PPM1D: variants seen among roughly 807,000 people sequenced by gnomAD.
PPM1D encodes protein phosphatase, Mg2+/Mn2+ dependent 1D.
In PPM1D, 52 loss-of-function variants were observed where a neutral mutation model predicts 58.3. That is an observed-to-expected ratio of 0.89 (90% CI 0.71 to 1.12). The LOEUF is 1.12. Ranked by LOEUF, PPM1D falls within the 50% of genes most tolerant of loss-of-function variation. The pLI, the probability that PPM1D is intolerant of heterozygous loss-of-function variation, is 0.00. For missense variants in PPM1D, 564 were observed against 777.2 expected (o/e 0.73, Z 3.26); for synonymous variants, 278 against 285.1 (o/e 0.98, Z 0.25).
chr17:60,610,904 A>AT (rs2030440213), intron 1 of PPM1D, among the ~76,000 whole-genome samples: 1 of 152,226 alleles, frequency 6.6e-6, no homozygotes, highest in Non-Finnish European at 1.5e-5. Context: ...GTAGGAGAGT[A>AT]TCATTCTTTC....
At chr17:60,609,880 C>T (rs1436439478) in intron 1 of PPM1D, among the ~76,000 whole-genome samples, 2 of 151,920 alleles carry the variant, frequency 1.3e-5, no homozygotes, top group African/African-American at 4.8e-5. Flanking sequence ...TACATTTTAT[C>T]ATAGATACGT....
Position 60,663,790 on chromosome 17 carries a change from C to G in PPM1D, c.*238C>G. 4.2e-6 allele frequency: 2 copies of G among 480,216 alleles called. No individual in the cohort carries two copies. The highest frequency in any genetic ancestry group is 7.5e-6 in the Non-Finnish European group (2 of 267,372). 29.7% of individuals were successfully genotyped at this position (480,216 alleles called of 1,614,324 possible). A position where few individuals can be genotyped will look rare whatever the true frequency, so the allele number is the denominator to read the frequency against. On this transcript the variant is annotated 3_prime_UTR_variant, in exon 6 of 6. Transcript: ENST00000305921. ...GTGTAAATTTGTATCCACACAAATTCAGTCTCTGAATACACAGTATTCAGA... is the reference window on the plus strand; with the variant it reads ...GTGTAAATTTGTATCCACACAAATTGAGTCTCTGAATACACAGTATTCAGA...
chr17:60,647,623 T>C (rs1440299333), intron 3 of PPM1D, among the ~76,000 whole-genome samples: 1 of 152,200 alleles, frequency 6.6e-6, no homozygotes, highest in Non-Finnish European at 1.5e-5. Flanking sequence ...ATAGTTTTCT[T>C]ATTTCTACAT....
chr17:60,642,154 A>G (rs2143690896), intron 3 of PPM1D, among the ~76,000 whole-genome samples: 1 of 152,320 alleles, frequency 6.6e-6, no homozygotes, highest in African/African-American at 2.4e-5. Context: ...TTGAACTGGT[A>G]AAACAAGGGA....
intron 1 of PPM1D, among the ~76,000 whole-genome samples, chr17:60,605,651 C>T (rs1598398181): frequency 6.6e-6 from 1 of 152,260 alleles, no homozygotes; most frequent in East Asian, 1.9e-4. Flanking sequence ...GCCTGTAATC[C>T]CAGCAATTTG....
chr17:60,638,347 A>G (rs72843556), intron 3 of PPM1D, among the ~76,000 whole-genome samples: 1 of 152,182 alleles, frequency 6.6e-6, no homozygotes, highest in Non-Finnish European at 1.5e-5. Flanking sequence ...TACTTTTCAA[A>G]CCATTATTCT....
chr17:60,639,180 A>G (rs1020290266), intron 3 of PPM1D, among the ~76,000 whole-genome samples: 4 of 152,082 alleles, frequency 2.6e-5, no homozygotes, highest in South Asian at 2.1e-4. Context: ...CATTGGCACA[A>G]TCTCGGCTCA....
intron 5 of PPM1D, chr17:60,662,254 C>T (rs2031538859): frequency 6.6e-6 from 1 of 152,162 alleles, no homozygotes; most frequent in Admixed American, 6.6e-5. Context: ...GCCTCGACCT[C>T]CCAAAGTGCT....
At chr17:60,612,385 C>A (rs7211070) in intron 1 of PPM1D, among the ~76,000 whole-genome samples, 2 of 152,152 alleles carry the variant, frequency 1.3e-5, no homozygotes, top group Non-Finnish European at 2.9e-5. Flanking sequence ...TGTACTGACA[C>A]AAACCTAGAT....
intron 5 of PPM1D, among the ~76,000 whole-genome samples, chr17:60,658,071 A>C (rs1358316277): frequency 2.0e-5 from 3 of 152,136 alleles, no homozygotes; most frequent in Admixed American, 2.0e-4. Context: ...TTCTTTGAAA[A>C]CCATGAATGG....
chr17:60,643,785 T>C (rs545997805), intron 3 of PPM1D, among the ~76,000 whole-genome samples: 28 of 151,946 alleles, frequency 1.8e-4, no homozygotes, highest in South Asian at 1.5e-3. Flanking sequence ...CAAAAGTGAG[T>C]TTACCCGTTC....
intron 5 of PPM1D, among the ~76,000 whole-genome samples, chr17:60,661,244 A>T (rs914640886): frequency 1.3e-5 from 2 of 150,456 alleles, no homozygotes; most frequent in African/African-American, 2.5e-5. Flanking sequence ...AAAAAAAGGA[A>T]AGGTGTTTAT....
At chr17:60,650,658 ACT>A (rs2031327201) in intron 4 of PPM1D, among the ~76,000 whole-genome samples, 1 of 152,150 alleles carries the variant, frequency 6.6e-6, no homozygotes, top group Admixed American at 6.6e-5. Context: ...TAAATTTCTA[ACT>A]CTGGTGACTA....
intron 4 of PPM1D, among the ~76,000 whole-genome samples, chr17:60,652,550 GTTTTTTTT>G (rs776162517): frequency 3.0e-5 from 2 of 67,632 alleles, no homozygotes; most frequent in Admixed American, 2.0e-4. Context: ...GTTTACTTCT[GTTTTTTTT>G]TTTTTTTTTT....
chr17:60,636,998 C>T (rs1159977077), intron 3 of PPM1D, among the ~76,000 whole-genome samples: 3 of 133,900 alleles, frequency 2.2e-5, no homozygotes, highest in Admixed American at 8.4e-5. Flanking sequence ...GACAGAATTT[C>T]GCTTTTATTG....
At chr17:60,636,964 A>G (rs893929287) in intron 3 of PPM1D, among the ~76,000 whole-genome samples, 1 of 121,494 alleles carries the variant, frequency 8.2e-6, no homozygotes. Flanking sequence ...CAGCCTACTC[A>G]TGATTTTTTT....
chr17:60,639,861 A>T (rs973815875), intron 3 of PPM1D, among the ~76,000 whole-genome samples: 1 of 152,266 alleles, frequency 6.6e-6, no homozygotes, highest in Non-Finnish European at 1.5e-5. Flanking sequence ...AAGGAGGAAG[A>T]AAGTGTGTTT....
intron 1 of PPM1D, among the ~76,000 whole-genome samples, chr17:60,611,481 G>T (rs1272649414): frequency 6.6e-6 from 1 of 151,800 alleles, no homozygotes; most frequent in East Asian, 1.9e-4. Flanking sequence ...CCAGGCTGGA[G>T]TGCAGCGGCA....
At chr17:60,660,675 C>T (rs1208542950) in intron 5 of PPM1D, among the ~76,000 whole-genome samples, 1 of 151,768 alleles carries the variant, frequency 6.6e-6, no homozygotes, top group African/African-American at 2.4e-5. Flanking sequence ...GTGGGAGAAT[C>T]GCTTGAACCC....
Sources: allele counts gnomAD v4.1 joint callset (sites outside exome capture counted in the v4.1 genomes callset), GRCh38; gene constraint gnomAD v4.1.1; transcripts MANE v1.5; gene names NCBI Gene and HGNC (gene_info 2026-07-23, HGNC 2026-07-21).